The following RBL1 variants were observed in gnomAD, a reference collection of about 807,000 sequenced individuals.
RBL1 encodes the protein retinoblastoma-like protein 1.
A neutral mutation model predicts 123.0 loss-of-function variants in RBL1; 82 were observed. That is an observed-to-expected ratio of 0.67 (90% CI 0.56 to 0.80). The LOEUF is 0.80. Ranked by LOEUF, RBL1 falls within the 30% of genes least tolerant of loss-of-function variation. The pLI is 0.00. For synonymous variants in RBL1, 405 were observed against 441.3 expected (o/e 0.92, Z 1.03); for missense variants, 1,171 against 1,299.6 (o/e 0.90, Z 1.52).
At chr20:37,046,722 C>G (rs2064823767) in intron 12 of RBL1, among the ~76,000 whole-genome samples, 2 of 151,802 alleles carry the variant, frequency 1.3e-5, no homozygotes, top group Admixed American at 6.6e-5. Flanking sequence ...AATTCTCCTG[C>G]CTCAGCCTCT....
intron 16 of RBL1, among the ~76,000 whole-genome samples, chr20:37,025,561 T>C (rs1600485696): frequency 6.6e-6 from 1 of 151,772 alleles, no homozygotes; most frequent in East Asian, 1.9e-4. Context: ...GCTATATGAC[T>C]AAGTGGGAAA....
At chr20:37,060,591 C>T (rs1420134548) in intron 9 of RBL1, among the ~76,000 whole-genome samples, 3 of 151,996 alleles carry the variant, frequency 2.0e-5, no homozygotes, top group Non-Finnish European at 4.4e-5. Context: ...TCAAGACCAG[C>T]CTGAGCAACA....
chr20:37,061,745 G>T (rs1004549012), intron 8 of RBL1, among the ~76,000 whole-genome samples: 1 of 152,160 alleles, frequency 6.6e-6, no homozygotes, highest in Non-Finnish European at 1.5e-5. Context: ...TGTGTCACGG[G>T]TAGGAAAGCA....
intron 16 of RBL1, among the ~76,000 whole-genome samples, chr20:37,028,099 G>A (rs6130375): frequency 0.14 from 21,255 of 152,036 alleles, 2,180 homozygotes; most frequent in East Asian, 0.48. Context: ...GCATGGTGGC[G>A]CATGCCTGTA....
chr20:37,049,916 G>A (rs1271735173), intron 11 of RBL1, among the ~76,000 whole-genome samples: 1 of 151,934 alleles, frequency 6.6e-6, no homozygotes, highest in Non-Finnish European at 1.5e-5. Flanking sequence ...TACAAAAGTA[G>A]CCAGGTGTGG....
At chr20:37,033,935 T>TTTTTTC (rs1726027467) in intron 15 of RBL1, among the ~76,000 whole-genome samples, 1 of 148,860 alleles carries the variant, frequency 6.7e-6, no homozygotes, top group Non-Finnish European at 1.5e-5. Flanking sequence ...GCCCCCTTTT[T>TTTTTTC]TTTTTCTTTT....
At chr20:36,999,476 C>CCCCACGG (rs1568805648) in intron 21 of RBL1, among the ~76,000 whole-genome samples, 25 of 150,490 alleles carry the variant, frequency 1.7e-4, no homozygotes, top group African/African-American at 6.0e-4. Flanking sequence ...CCTCTCCCTC[C>CCCCACGG]TCTCCCTCTC....
chr20:37,055,495 A>G (rs2064988325), intron 11 of RBL1, 58 bp downstream of exon 11: 2 of 1,611,126 alleles, frequency 1.2e-6, no homozygotes, highest in Non-Finnish European at 1.7e-6. Context: ...CTCTCAAAAC[A>G]CTGCTTCCAG....
chr20:37,068,326 T>G, intron 2 of RBL1, 140 bp from the exon 3 acceptor site: 5 of 1,267,268 alleles, frequency 3.9e-6, no homozygotes, highest in South Asian at 1.5e-5. Flanking sequence ...ACCCCATCTC[T>G]ACAAAAATTT....
intron 4 of RBL1, 32 bp from the exon 5 acceptor site, chr20:37,067,153 CA>C: frequency 6.5e-7 from 1 of 1,529,338 alleles, no homozygotes; most frequent in Non-Finnish European, 8.8e-7. Context: ...AAAAAAGACA[CA>C]AAAACCAGAA....
intron 13 of RBL1, among the ~76,000 whole-genome samples, chr20:37,040,846 C>T (rs2064711135): frequency 6.6e-6 from 1 of 152,152 alleles, no homozygotes; most frequent in South Asian, 2.1e-4. Context: ...CAGTATCATT[C>T]TCCATTTAGG....
intron 2 of RBL1, among the ~76,000 whole-genome samples, chr20:37,081,477 A>G (rs1332165770): frequency 1.3e-5 from 2 of 152,070 alleles, no homozygotes; most frequent in African/African-American, 4.8e-5. Flanking sequence ...CCAGTCTCTA[A>G]GAAAAGACAA....
chr20:37,005,719 G>A (rs2064058998), intron 20 of RBL1, among the ~76,000 whole-genome samples: 1 of 152,038 alleles, frequency 6.6e-6, no homozygotes, highest in Admixed American at 6.6e-5. Flanking sequence ...ATGACAGAGG[G>A]GAAGTGAAAC....
chr20:37,071,643 G>A (rs1156857817), intron 2 of RBL1, among the ~76,000 whole-genome samples: 3 of 152,110 alleles, frequency 2.0e-5, no homozygotes, highest in South Asian at 2.1e-4. Context: ...GTGAAAGCCC[G>A]TCTCAAAAAA....
At chr20:37,084,316 AT>A (rs2065505575) in intron 2 of RBL1, among the ~76,000 whole-genome samples, 1 of 152,138 alleles carries the variant, frequency 6.6e-6, no homozygotes, top group South Asian at 2.1e-4. Flanking sequence ...ACTGGATACA[AT>A]CGAAATGGCC....
intron 11 of RBL1, chr20:37,049,572 C>T (rs561841663): frequency 5.3e-5 from 40 of 755,502 alleles, no homozygotes; most frequent in South Asian, 4.3e-4. Context: ...TAGATGAGAA[C>T]GGCAAAATTA....
In RBL1 at chr20:37,086,743, T is replaced by C. The variant is rs79574071; in HGVS notation, c.290+2246A>G. Among the ~76,000 whole-genome samples the C allele has an allele frequency of 3.6e-4, 55 of 152,290 alleles. No individual in the cohort carries two copies. The East Asian group carries it at 0.01, about 28-fold the overall frequency. On this transcript the variant is annotated intron_variant, in intron 2 of 21. Coordinates refer to ENST00000373664, the MANE Select transcript of RBL1 (RefSeq NM_002895.5). Reference sequence around the variant, plus strand: ...GGATAGCTAAATTTGTTTTGTTTCCTATCCAGCCAAATAATTCTATATGCT... The same window carrying C: ...GGATAGCTAAATTTGTTTTGTTTCCCATCCAGCCAAATAATTCTATATGCT...
chr20:37,068,423 T>C (rs567672907), intron 2 of RBL1, among the ~76,000 whole-genome samples: 1 of 152,152 alleles, frequency 6.6e-6, no homozygotes, highest in South Asian at 2.1e-4. Flanking sequence ...GCCCAGGATG[T>C]CGAGACTGCA....
At position 37,045,042 on chromosome 20, in the gene RBL1, T is replaced by C. The variant is rs189171942; in HGVS notation, c.1606-792A>G. Among the ~76,000 whole-genome samples the C allele has an allele frequency of 3.4e-3, 516 of 152,018 alleles. 2 individuals are homozygous for C. The highest frequency in any genetic ancestry group is 5.1e-3 in the Non-Finnish European group (345 of 67,962). ...AAAATATTAATAATATGATTGTTAA[T>C]AGATTATGATGTATGACTTTAATAT... On this transcript the variant is annotated intron_variant, in intron 12 of 21. Transcript: ENST00000373664.
Sources: gnomAD v4.1 joint callset for allele counts (sites outside exome capture counted in the v4.1 genomes callset) on GRCh38, gnomAD v4.1.1 for gene constraint, MANE v1.5 for transcripts, NCBI Gene and HGNC (gene_info 2026-07-23, HGNC 2026-07-21) for gene names.